Variants in EML5 observed in about 807,000 individuals in gnomAD.
EML5 encodes the protein echinoderm microtubule-associated protein-like 5.
A neutral mutation model predicts 250.0 loss-of-function variants in EML5; 120 were observed. The ratio of observed to expected loss-of-function variants is 0.48; its 90% CI spans 0.41 to 0.56. EML5 has a LOEUF of 0.56. Ranked by LOEUF, EML5 falls within the 20% of genes least tolerant of loss-of-function variation. The pLI, the probability that EML5 is intolerant of heterozygous loss-of-function variation, is 0.00. For synonymous variants in EML5, 771 were observed against 806.5 expected (o/e 0.96, Z 0.75); for missense variants, 2,006 against 2,437.6 (o/e 0.82, Z 3.73).
chr14:88,727,890 C>T (rs1034152628), intron 7 of EML5, among the ~76,000 whole-genome samples: 2 of 151,920 alleles, frequency 1.3e-5, no homozygotes, highest in Non-Finnish European at 2.9e-5. Flanking sequence ...AAATCAACAA[C>T]AAAAAAGATA....
chr14:88,695,940 C>T (rs992862323), intron 15 of EML5, among the ~76,000 whole-genome samples: 2 of 151,990 alleles, frequency 1.3e-5, no homozygotes, highest in Non-Finnish European at 2.9e-5. Context: ...TCAAGCAATA[C>T]ATAATGAATA....
At chr14:88,770,265 A>T (rs1432038397) in intron 1 of EML5, among the ~76,000 whole-genome samples, 2 of 152,134 alleles carry the variant, frequency 1.3e-5, no homozygotes, top group Non-Finnish European at 2.9e-5. Flanking sequence ...TGGAGGTCTG[A>T]TAAGTTATTT....
At chr14:88,694,950 A>G (rs902906593) in intron 16 of EML5, among the ~76,000 whole-genome samples, 1 of 152,128 alleles carries the variant, frequency 6.6e-6, no homozygotes, top group Non-Finnish European at 1.5e-5. Flanking sequence ...GAAAACTTAG[A>G]AAATGAAGAA....
At chr14:88,748,261 GA>G (rs1468011783) in intron 2 of EML5, among the ~76,000 whole-genome samples, 2 of 152,128 alleles carry the variant, frequency 1.3e-5, no homozygotes, top group Non-Finnish European at 2.9e-5. Flanking sequence ...AGAAATTCTA[GA>G]AAAAGAACAA....
intron 29 of EML5, among the ~76,000 whole-genome samples, chr14:88,645,641 C>T (rs2091311454): frequency 6.6e-6 from 1 of 152,306 alleles, no homozygotes; most frequent in Admixed American, 6.5e-5. Flanking sequence ...TCTCTACTTG[C>T]TGAAGTCCCT....
chr14:88,763,627 A>G (rs2094280269), intron 1 of EML5, among the ~76,000 whole-genome samples: 1 of 152,226 alleles, frequency 6.6e-6, no homozygotes, highest in Non-Finnish European at 1.5e-5. Flanking sequence ...AACAATAGAA[A>G]AAGAGGGAAT....
Position 88,715,149 on chromosome 14 carries a change from G to T in EML5, c.1234C>A (p.His412Asn). Residue 412 changes from histidine to asparagine, a missense_variant, in exon 9 of 44, where the codon CAT becomes AAT. Physicochemically the swap from His to Asn is moderately conservative, Grantham distance 68. Transcript: ENST00000554922. ...CCATCTGGTGAATATTTTAACTCATGAATTGCCTCCTTCCTATCTTTAATA... is the reference window on the plus strand; with the variant it reads ...CCATCTGGTGAATATTTTAACTCATTAATTGCCTCCTTCCTATCTTTAATA... ...VHIKDRKEAI[H>N]ELKYSPDGTY... 6.2e-7 allele frequency: 1 copy of T among 1,609,048 alleles called. No homozygotes were observed. Among genetic ancestry groups the T allele is most frequent in the Non-Finnish European group, 8.5e-7 (1 of 1,177,336 alleles).
At chr14:88,789,782 C>G (rs995932665) in intron 1 of EML5, among the ~76,000 whole-genome samples, 5 of 152,256 alleles carry the variant, frequency 3.3e-5, no homozygotes, top group African/African-American at 1.2e-4. Flanking sequence ...TCAGCCTTTA[C>G]CACCAACATT....
In EML5 at chr14:88,613,039, A is replaced by G. The variant is rs565794050; in HGVS notation, c.*2779T>C. 1 of 152,674 alleles carries G rather than the reference A, an allele frequency of 6.5e-6. No individual in the cohort carries two copies. Among genetic ancestry groups the G allele is most frequent in the East Asian group, 1.9e-4 (1 of 5,188 alleles). The allele number at this position is 152,674 out of a possible 1,614,324, so 9.5% of individuals were successfully genotyped here. On this transcript the variant is annotated 3_prime_UTR_variant, in exon 44 of 44. Transcript: ENST00000554922. ...CGTATACTCAAATGATGATAAACCT[A>G]CATGTGCAAAGGCTCACGTTTAAGA...
intron 6 of EML5, among the ~76,000 whole-genome samples, chr14:88,737,474 G>A (rs1055018784): frequency 2.0e-5 from 3 of 152,212 alleles, no homozygotes; most frequent in Non-Finnish European, 2.9e-5. Context: ...AGTGGGCAGG[G>A]TACCTCCTGG....
At chr14:88,758,568 T>A (rs2094195373) in intron 1 of EML5, among the ~76,000 whole-genome samples, 1 of 152,166 alleles carries the variant, frequency 6.6e-6, no homozygotes, top group Admixed American at 6.5e-5. Flanking sequence ...CCTTAAACAT[T>A]GATTATGGGA....
At chr14:88,646,826 A>G in intron 29 of EML5, 121 bp downstream of exon 29, 1 of 987,138 alleles carries the variant, frequency 1.0e-6, no homozygotes, top group Non-Finnish European at 1.4e-6. Context: ...AAAGGAAAAA[A>G]ATGTGCAAAA....
chr14:88,681,376 C>T (rs558207571), intron 21 of EML5, among the ~76,000 whole-genome samples: 3 of 152,276 alleles, frequency 2.0e-5, no homozygotes, highest in Non-Finnish European at 2.9e-5. Flanking sequence ...TTTGGCAGGC[C>T]GAGGTGGGCA....
At chr14:88,695,953 T>C (rs1166624549) in intron 15 of EML5, among the ~76,000 whole-genome samples, 1 of 152,018 alleles carries the variant, frequency 6.6e-6, no homozygotes, top group Non-Finnish European at 1.5e-5. Flanking sequence ...AATGAATATA[T>C]TAGACAAATC....
At chr14:88,638,583 G>C (rs1056216299) in intron 32 of EML5, among the ~76,000 whole-genome samples, 6 of 152,100 alleles carry the variant, frequency 3.9e-5, no homozygotes, top group African/African-American at 1.4e-4. Flanking sequence ...CCATACAATA[G>C]TTTCCTTTAA....
intron 27 of EML5, among the ~76,000 whole-genome samples, chr14:88,650,592 T>G (rs2140797677): frequency 6.6e-6 from 1 of 152,332 alleles, no homozygotes; most frequent in African/African-American, 2.4e-5. Context: ...CATTTTTCCT[T>G]TTAAGTGGAT....
At position 88,627,647 on chromosome 14, in the gene EML5, T is replaced by C. The variant is rs529862501; in HGVS notation, c.4530A>G (p.Glu1510=). 6.3e-7 allele frequency: 1 copy of C among 1,595,530 alleles called. No individual in the cohort carries two copies. The highest frequency in any genetic ancestry group is 1.8e-5 in the Admixed American group (1 of 54,734). The part of the protein sequence containing the change: ...EHTITIWRWQ[E]GAKIASRAGH... ...ATCAAACACACAAAAGAATCCTACC[T>C]TCCTGCCATCTCCAAATGGTAATAG... Residue 1510 remains glutamate (E), a splice_region_variant and synonymous_variant, in exon 34 of 44, where the codon GAA becomes GAG. Coordinates refer to ENST00000554922, the MANE Select transcript of EML5 (RefSeq NM_183387.3).
chr14:88,627,571 A>G (rs2140424042), intron 34 of EML5, 75 bp downstream of exon 34: 1 of 1,438,220 alleles, frequency 7.0e-7, no homozygotes, highest in African/African-American at 1.4e-5. Flanking sequence ...ACTTTAAGAC[A>G]AATATTAAAT....
intron 29 of EML5, among the ~76,000 whole-genome samples, chr14:88,645,016 C>T (rs2091275417): frequency 6.6e-6 from 1 of 150,592 alleles, no homozygotes; most frequent in Admixed American, 6.6e-5. Context: ...CCACACCCAG[C>T]CTTTTCTCTT....
Sources: allele counts gnomAD v4.1 joint callset (sites outside exome capture counted in the v4.1 genomes callset), GRCh38; gene constraint gnomAD v4.1.1; transcripts MANE v1.5; gene names NCBI Gene and HGNC (gene_info 2026-07-23, HGNC 2026-07-21).